The following TAB3 variants were observed in gnomAD, a reference collection of about 807,000 sequenced individuals.
TAB3 encodes TGF-beta-activated kinase 1 and MAP3K7-binding protein 3.
In TAB3, 18 loss-of-function variants were observed where a neutral mutation model predicts 48.1. The ratio of observed to expected loss-of-function variants is 0.37; its 90% CI spans 0.26 to 0.55. TAB3 has a LOEUF of 0.55. Among genes scored for constraint, TAB3 ranks in the 20% least tolerant of loss-of-function variants. The pLI, the probability that TAB3 is intolerant of heterozygous loss-of-function variation, is 0.78. For missense variants in TAB3, 414 were observed against 549.8 expected (o/e 0.75, Z 2.47); for synonymous variants, 185 against 190.2 (o/e 0.97, Z 0.22).
intron 4 of TAB3, among the ~76,000 whole-genome samples, chrX:30,862,548 G>A (rs776359949): frequency 2.2e-4 from 25 of 111,409 alleles, no homozygotes; most frequent in Middle Eastern, 4.6e-3. Context: ...TCTTGAGAGC[G>A]GCCAGCTCTC....
At chrX:30,885,324 A>C (rs1311723363) in intron 1 of TAB3, among the ~76,000 whole-genome samples, 1 of 112,537 alleles carries the variant, frequency 8.9e-6, no homozygotes, top group Admixed American at 9.4e-5. Flanking sequence ...AATGTCCAAA[A>C]GGTTACAGAA....
At chrX:30,887,284 T>C (rs774204144) in intron 1 of TAB3, among the ~76,000 whole-genome samples, 3 of 112,168 alleles carry the variant, frequency 2.7e-5, no homozygotes, top group Non-Finnish European at 5.6e-5. Context: ...GATAGGTCAC[T>C]ACCAGCTATC....
chrX:30,877,079 C>T (rs1939861131), intron 1 of TAB3, among the ~76,000 whole-genome samples: 1 of 111,625 alleles, frequency 9.0e-6, no homozygotes, highest in African/African-American at 3.3e-5. Context: ...TTAAAGCATC[C>T]TGATGGAGGG....
intron 10 of TAB3, among the ~76,000 whole-genome samples, chrX:30,833,627 C>G (rs1180856907): frequency 9.1e-6 from 1 of 109,726 alleles, no homozygotes; most frequent in Non-Finnish European, 1.9e-5. Context: ...GTCAGGAGAT[C>G]GATACCATCC....
At position 30,888,961 on chromosome X, in the gene TAB3, C is replaced by CT. The variant is rs200834080; in HGVS notation, c.-383+152dup. Among the ~76,000 whole-genome samples, 515 of 113,450 alleles carry CT rather than the reference C, an allele frequency of 4.5e-3. 5 individuals carry two copies. Among genetic ancestry groups the CT allele is most frequent in the African/African-American group, 0.015 (484 of 31,370 alleles). ...ACCTCCGGCAGCCCCGCAGTTCCCGCTGTCAGCCGCAGTCCCGGGCCGGGG... is the reference window on the plus strand; with the variant it reads ...ACCTCCGGCAGCCCCGCAGTTCCCGCTTGTCAGCCGCAGTCCCGGGCCGGGG... On this transcript the variant is annotated intron_variant, in intron 1 of 10. Transcript: ENST00000288422.
At chrX:30,876,657 C>T (rs1237625584) in intron 1 of TAB3, among the ~76,000 whole-genome samples, 5 of 111,227 alleles carry the variant, frequency 4.5e-5, no homozygotes, top group Non-Finnish European at 9.4e-5. Context: ...AGGCATGCAC[C>T]AGCATGCCCA....
chrX:30,865,874 G>A (rs1430997030), intron 4 of TAB3, among the ~76,000 whole-genome samples: 2 of 112,098 alleles, frequency 1.8e-5, no homozygotes, highest in Non-Finnish European at 3.8e-5. Context: ...TGATATTGAG[G>A]CATAACAAAT....
intron 9 of TAB3, chrX:30,834,556 C>A (rs1235941798): frequency 8.3e-6 from 1 of 119,766 alleles, no homozygotes; most frequent in Non-Finnish European, 1.7e-5. Flanking sequence ...AAATTATGGG[C>A]ACTATCCATA....
chrX:30,872,323 G>A (rs73617008), intron 1 of TAB3, among the ~76,000 whole-genome samples: 70 of 111,374 alleles, frequency 6.3e-4, no homozygotes, highest in African/African-American at 2.2e-3. Flanking sequence ...CACCACACCC[G>A]CACTGCAAGC....
intron 8 of TAB3, chrX:30,844,532 A>G (rs1006697594): frequency 8.9e-6 from 1 of 112,491 alleles, no homozygotes; most frequent in African/African-American, 3.2e-5. Flanking sequence ...AAGGCTTACT[A>G]TAAGTATCCT....
rs938390552 is a variant in TAB3, at chrX:30,830,803, T to C, written c.*624A>G. On this transcript the variant is annotated 3_prime_UTR_variant, in exon 11 of 11. Transcript: ENST00000288422. ...TTAAACAAAGGCATGATATGCCTAGTTCCTGACTGCTACAAATCACATTTT... is the reference window on the plus strand; with the variant it reads ...TTAAACAAAGGCATGATATGCCTAGCTCCTGACTGCTACAAATCACATTTT... The C allele has an allele frequency of 5.4e-5, 6 of 110,993 alleles. No homozygotes were observed. The highest frequency in any genetic ancestry group is 2.0e-4 in the African/African-American group (6 of 30,486). The allele number at this position is 110,993 out of a possible 1,213,427, so 9.1% of individuals were successfully genotyped here. A position where few individuals can be genotyped will look rare whatever the true frequency, so the allele number is the denominator to read the frequency against.
Position 30,831,269 on chromosome X carries a change from T to C in TAB3, c.*158A>G. ...GAGAAAAAAAAGACCTCCCCATTTT[T>C]CCTTTCGTGAGCACAACGACGACCA... is the stretch of plus-strand genomic sequence containing the variant. On this transcript the variant is annotated 3_prime_UTR_variant, in exon 11 of 11. Coordinates refer to ENST00000288422, the MANE Select transcript of TAB3 (RefSeq NM_152787.5). 1.8e-6 allele frequency: 1 copy of C among 561,037 alleles called. No individual in the cohort carries two copies. Among genetic ancestry groups the C allele is most frequent in the African/African-American group, 2.3e-5 (1 of 43,112 alleles). 46.2% of individuals were successfully genotyped at this position (561,037 alleles called of 1,213,427 possible).
intron 9 of TAB3, among the ~76,000 whole-genome samples, chrX:30,838,455 G>T (rs754527772): frequency 8.9e-6 from 1 of 112,079 alleles, no homozygotes; most frequent in South Asian, 3.7e-4. Flanking sequence ...CACTGAGCCA[G>T]TCTAAGACTT....
intron 10 of TAB3, 64 bp from the exon 11 acceptor site, chrX:30,831,639 A>C (rs889218980): frequency 4.6e-6 from 5 of 1,094,326 alleles, no homozygotes; most frequent in Non-Finnish European, 6.1e-6. Flanking sequence ...TCCAAGTATA[A>C]TCCAAACTGA....
chrX:30,888,982 C>T (rs1940219317), intron 1 of TAB3, 132 bp downstream of exon 1: 1 of 113,211 alleles, frequency 8.8e-6, no homozygotes, highest in Non-Finnish European at 1.9e-5. Flanking sequence ...AGTCCCGGGC[C>T]GGGGTGAGTC....
In TAB3 at chrX:30,843,068, C is replaced by A; in HGVS notation, c.1805-19G>T. The stretch of plus-strand genomic sequence containing the variant: ...AAGTTTCCTATAAAGAAAGTAAATT[C>A]ATCAGGCATTTAAGAACTCTTTTTT... On this transcript the variant is annotated intron_variant, in intron 8 of 10. Transcript: ENST00000288422. The A allele has an allele frequency of 1.0e-6, 1 of 961,457 alleles. No individual in the cohort carries two copies. The highest frequency in any genetic ancestry group is 1.4e-6 in the Non-Finnish European group (1 of 692,863). 79.2% of individuals were successfully genotyped at this position (961,457 alleles called of 1,213,427 possible).
chrX:30,852,510 C>G (rs1938892497), intron 7 of TAB3, among the ~76,000 whole-genome samples: 1 of 111,540 alleles, frequency 9.0e-6, no homozygotes, highest in African/African-American at 3.3e-5. Flanking sequence ...ATTTTGACAG[C>G]AATTTACAAA....
In TAB3 at chrX:30,831,290, G is replaced by T; in HGVS notation, c.*137C>A. 2.7e-6 allele frequency: 2 copies of T among 736,341 alleles called. No individual in the cohort carries two copies. Among genetic ancestry groups the T allele is most frequent in the South Asian group, 9.2e-5 (2 of 21,637 alleles). 60.7% of individuals were successfully genotyped at this position (736,341 alleles called of 1,213,427 possible). ...TTTTTCCTTTCGTGAGCACAACGACGACCACAAAGCCATTCCTCCTCCCCG... is the reference window on the plus strand; with the variant it reads ...TTTTTCCTTTCGTGAGCACAACGACTACCACAAAGCCATTCCTCCTCCCCG... On this transcript the variant is annotated 3_prime_UTR_variant, in exon 11 of 11. Transcript: ENST00000288422.
At chrX:30,837,197 C>T (rs754238135) in intron 9 of TAB3, among the ~76,000 whole-genome samples, 5 of 109,113 alleles carry the variant, frequency 4.6e-5, no homozygotes, top group African/African-American at 1.0e-4. Flanking sequence ...TACAGGTCCA[C>T]GCCACCATGC....
Sources: allele counts gnomAD v4.1 joint callset (sites outside exome capture counted in the v4.1 genomes callset), GRCh38; gene constraint gnomAD v4.1.1; transcripts MANE v1.5; gene names NCBI Gene and HGNC (gene_info 2026-07-23, HGNC 2026-07-21).